Variants in GRM7 observed in about 807,000 individuals in gnomAD.
GRM7 encodes glutamate metabotropic receptor 7.
In GRM7, 35 loss-of-function variants were observed where a neutral mutation model predicts 84.5. The observed-to-expected ratio is 0.41, with a 90% CI of 0.32 to 0.55. The LOEUF is 0.55. GRM7 is among the 20% of genes least tolerant of loss of function. The pLI is 0.19. For missense variants in GRM7, 1,003 were observed against 1,194.6 expected (o/e 0.84, Z 2.36); for synonymous variants, 487 against 455.1 (o/e 1.07, Z -0.89).
chr3:7,591,643 C>A (rs1262219727), intron 8 of GRM7, among the ~76,000 whole-genome samples: 1 of 152,122 alleles, frequency 6.6e-6, no homozygotes, highest in Non-Finnish European at 1.5e-5. Flanking sequence ...AGAACTTCTA[C>A]ATAATATAGT....
intron 2 of GRM7, among the ~76,000 whole-genome samples, chr3:7,180,019 T>C (rs962297312): frequency 6.6e-6 from 1 of 152,236 alleles, no homozygotes; most frequent in African/African-American, 2.4e-5. Flanking sequence ...CAAAATTTAA[T>C]TGACCTTAGA....
At chr3:6,894,599 A>G (rs1696105987) in intron 1 of GRM7, among the ~76,000 whole-genome samples, 2 of 152,162 alleles carry the variant, frequency 1.3e-5, no homozygotes, top group Non-Finnish European at 2.9e-5. Flanking sequence ...ATACAAATAT[A>G]TACACATATA....
At chr3:7,517,901 T>C (rs1378457196) in intron 7 of GRM7, among the ~76,000 whole-genome samples, 1 of 152,192 alleles carries the variant, frequency 6.6e-6, no homozygotes, top group Non-Finnish European at 1.5e-5. Flanking sequence ...TTGCCCAAAG[T>C]GCATATTTAC....
chr3:7,320,359 TA>T (rs1700732479), intron 4 of GRM7, among the ~76,000 whole-genome samples: 1 of 152,068 alleles, frequency 6.6e-6, no homozygotes, highest in East Asian at 1.9e-4. Context: ...CTGTATATTT[TA>T]TGCTAAGTAT....
intron 1 of GRM7, among the ~76,000 whole-genome samples, chr3:6,988,082 C>A (rs1204765390): frequency 6.6e-6 from 1 of 150,486 alleles, no homozygotes; most frequent in African/African-American, 2.5e-5. Flanking sequence ...CTGCAAGCTC[C>A]GCCTCCTGGG....
intron 2 of GRM7, among the ~76,000 whole-genome samples, chr3:7,178,343 A>G (rs1363042934): frequency 1.3e-5 from 2 of 150,920 alleles, no homozygotes; most frequent in Middle Eastern, 6.8e-3. Context: ...CTTATTTTTC[A>G]TTATTTGTTT....
At chr3:7,695,605 G>C (rs1700987775) in intron 9 of GRM7, among the ~76,000 whole-genome samples, 1 of 152,140 alleles carries the variant, frequency 6.6e-6, no homozygotes, top group Non-Finnish European at 1.5e-5. Context: ...CCCAGGTTAA[G>C]ACTTAAGATG....
intron 9 of GRM7, among the ~76,000 whole-genome samples, chr3:7,688,035 T>C (rs1053190588): frequency 2.6e-5 from 4 of 152,116 alleles, no homozygotes; most frequent in African/African-American, 9.6e-5. Context: ...GTCAAAACAC[T>C]GGAGCTCAAC....
At chr3:7,041,334 T>C (rs1036483541) in intron 1 of GRM7, among the ~76,000 whole-genome samples, 1 of 152,214 alleles carries the variant, frequency 6.6e-6, no homozygotes, top group Non-Finnish European at 1.5e-5. Flanking sequence ...TGATCCATTT[T>C]CTGCTACAAA....
chr3:7,547,083 C>T (rs1171833287), intron 7 of GRM7, among the ~76,000 whole-genome samples: 1 of 151,712 alleles, frequency 6.6e-6, no homozygotes, highest in African/African-American at 2.4e-5. Context: ...GGGAGGGCTC[C>T]ATGAAAATTC....
At chr3:7,117,552 G>A (rs1308498976) in intron 1 of GRM7, among the ~76,000 whole-genome samples, 2 of 152,118 alleles carry the variant, frequency 1.3e-5, no homozygotes, top group African/African-American at 2.4e-5. Context: ...CTGACTCTGG[G>A]GCCCTCCTGG....
chr3:7,717,290 C>T (rs894403204), intron 9 of GRM7, among the ~76,000 whole-genome samples: 2 of 152,048 alleles, frequency 1.3e-5, no homozygotes, highest in African/African-American at 4.8e-5. Flanking sequence ...AATTAAATCA[C>T]ACAAAGTTAT....
chr3:7,116,342 C>T (rs989233084), intron 1 of GRM7, among the ~76,000 whole-genome samples: 1 of 152,102 alleles, frequency 6.6e-6, no homozygotes, highest in African/African-American at 2.4e-5. Context: ...TTTCCAAGCA[C>T]CATTGTAGAC....
Position 6,861,897 on chromosome 3 carries a change from G to A in GRM7, c.509G>A (p.Arg170Lys). 1 of 1,609,534 alleles carries A rather than the reference G, an allele frequency of 6.2e-7. No homozygotes were observed. The highest frequency in any genetic ancestry group is 8.5e-7 in the Non-Finnish European group (1 of 1,176,788). Reference sequence around the variant, plus strand: ...TCCATCATGGTAGCCAACATCCTGAGGCTCTTCCAGGTAGGGATGCGCTCC... The same window carrying A: ...TCCATCATGGTAGCCAACATCCTGAAGCTCTTCCAGGTAGGGATGCGCTCC... ...SVSIMVANIL[R>K]LFQIPQISYA... Residue 170 changes from arginine to lysine, a missense_variant, in exon 1 of 10, where the codon AGG becomes AAG. By Grantham distance (26) the Arg-to-Lys change is conservative. Around this residue, in one of 2 missense-constraint regions of GRM7, gnomAD observed 910 missense variants for 1,126.0 expected, o/e 0.81. Coordinates refer to ENST00000357716, the MANE Select transcript of GRM7 (RefSeq NM_000844.4). The surrounding 1 kb of genome is among the most constrained non-coding windows in gnomAD (Gnocchi z 6.4).
chr3:7,354,703 A>T (rs1231521323), intron 4 of GRM7, among the ~76,000 whole-genome samples: 1 of 152,168 alleles, frequency 6.6e-6, no homozygotes, highest in African/African-American at 2.4e-5. Context: ...GTGAATTGTC[A>T]AAGCCTTACC....
At chr3:7,231,294 A>G (rs567533599) in intron 2 of GRM7, among the ~76,000 whole-genome samples, 1 of 152,036 alleles carries the variant, frequency 6.6e-6, no homozygotes, top group Non-Finnish European at 1.5e-5. Context: ...ATTTGAATAA[A>G]CTCAGTACCC....
chr3:7,713,135 T>TTGTTTTG, intron 9 of GRM7, among the ~76,000 whole-genome samples: 1 of 128,508 alleles, frequency 7.8e-6, no homozygotes. Context: ...TTTTTTTTTT[T>TTGTTTTG]TTTTTTTTTT....
chr3:7,453,578 G>T lies in GRM7; in HGVS notation c.1375+771G>T, dbSNP rs9810424. Among the ~76,000 whole-genome samples, 1,396 of 152,226 alleles carry T rather than the reference G, an allele frequency of 9.2e-3. 15 individuals are homozygous for T. Among genetic ancestry groups the T allele is most frequent in the South Asian group, 0.047 (229 of 4,828 alleles). Reference sequence around the variant, plus strand: ...CCAGATGAAGAGATCCTAGGGCAAAGTCTGAAAGGGTCCTGAGAGTAGGAG... The same window carrying T: ...CCAGATGAAGAGATCCTAGGGCAAATTCTGAAAGGGTCCTGAGAGTAGGAG... On this transcript the variant is annotated intron_variant, in intron 6 of 9. Coordinates refer to ENST00000357716, the MANE Select transcript of GRM7 (RefSeq NM_000844.4).
At chr3:7,723,084 T>C (rs1454925993) in intron 9 of GRM7, among the ~76,000 whole-genome samples, 1 of 152,214 alleles carries the variant, frequency 6.6e-6, no homozygotes, top group Non-Finnish European at 1.5e-5. Context: ...GTTTGCTTCA[T>C]CTATACCTAT....
Sources: gnomAD v4.1 joint callset for allele counts (sites outside exome capture counted in the v4.1 genomes callset) on GRCh38, gnomAD v4.1.1 for gene constraint, gnomAD v4.1.1 regional missense constraint, Gnocchi (gnomAD v3.1) non-coding constraint, MANE v1.5 for transcripts, NCBI Gene and HGNC (gene_info 2026-07-23, HGNC 2026-07-21) for gene names.